ATP8B4: variants seen among roughly 807,000 people sequenced by gnomAD.
ATP8B4 encodes the protein probable phospholipid-transporting ATPase IM.
A neutral mutation model predicts 145.6 loss-of-function variants in ATP8B4; 133 were observed. That is an observed-to-expected ratio of 0.91 (90% CI 0.79 to 1.05). The LOEUF (loss-of-function observed/expected upper bound fraction) is 1.05, where lower values mean the gene tolerates loss of function less well. Among genes scored for constraint, ATP8B4 ranks in the 50% least tolerant of loss-of-function variants. The pLI is 0.00. For missense variants in ATP8B4, 1,458 were observed against 1,425.2 expected (o/e 1.02, Z -0.37); for synonymous variants, 507 against 492.9 (o/e 1.03, Z -0.38).
At chr15:50,066,411 C>A (rs77055837) in intron 3 of ATP8B4, among the ~76,000 whole-genome samples, 2,430 of 152,208 alleles carry the variant, frequency 0.016, 67 homozygotes, top group African/African-American at 0.056. Context: ...ATGACTAATT[C>A]CAACGTGTCA....
chr15:50,074,910 T>G (rs1466249282), intron 2 of ATP8B4, among the ~76,000 whole-genome samples: 1 of 152,164 alleles, frequency 6.6e-6, no homozygotes, highest in Non-Finnish European at 1.5e-5. Context: ...TTGCTCCATG[T>G]TTACTGAAGA....
At chr15:50,114,625 T>C (rs1424288868) in intron 1 of ATP8B4, 1 of 152,300 alleles carries the variant, frequency 6.6e-6, no homozygotes, top group Non-Finnish European at 1.5e-5. Flanking sequence ...TTTGCTCCTG[T>C]TAACCCTAGA....
Position 50,005,055 on chromosome 15 carries a change from C to T in ATP8B4, c.436-2832G>A, listed in dbSNP as rs543402668. On this transcript the variant is annotated intron_variant, in intron 7 of 27. Transcript: ENST00000284509. ...GGAAAAGCGTGAATATCCAAACTCACAAGTGGGCCAGGATATCATTAATTC... is the reference window on the plus strand; with the variant it reads ...GGAAAAGCGTGAATATCCAAACTCATAAGTGGGCCAGGATATCATTAATTC... Among the ~76,000 whole-genome samples the T allele has an allele frequency of 2.6e-5, 4 of 152,172 alleles. 1 individual carries two copies. Among genetic ancestry groups the T allele is most frequent in the Non-Finnish European group, 5.9e-5 (4 of 68,020 alleles).
intron 6 of ATP8B4, among the ~76,000 whole-genome samples, chr15:50,027,905 A>G (rs2050134790): frequency 1.3e-5 from 2 of 152,240 alleles, no homozygotes; most frequent in African/African-American, 4.8e-5. Context: ...CCTACTGTAT[A>G]CTGTTTCACT....
chr15:50,081,511 G>C (rs2054556576), intron 2 of ATP8B4, among the ~76,000 whole-genome samples: 1 of 151,992 alleles, frequency 6.6e-6, no homozygotes, highest in Non-Finnish European at 1.5e-5. Context: ...GTCCTCAAAG[G>C]CAACACCCAA....
chr15:50,038,953 T>C, intron 5 of ATP8B4, 124 bp from the exon 6 acceptor site: 1 of 773,644 alleles, frequency 1.3e-6, no homozygotes, highest in Non-Finnish European at 2.2e-6. Context: ...AAGATGACAC[T>C]GTTTGAGCTT....
upstream of ATP8B4, among the ~76,000 whole-genome samples, chr15:50,120,955 A>G (rs571371056): frequency 4.6e-5 from 7 of 152,270 alleles, no homozygotes; most frequent in African/African-American, 1.4e-4. Flanking sequence ...TGTTGCAACT[A>G]AAACAGTGCC....
At chr15:50,049,462 G>A (rs2052000972) in intron 3 of ATP8B4, among the ~76,000 whole-genome samples, 1 of 152,172 alleles carries the variant, frequency 6.6e-6, no homozygotes, top group Non-Finnish European at 1.5e-5. Context: ...CACCCATGCT[G>A]CTGCAAAGGA....
chr15:49,968,819 A>G (rs1186082097), intron 13 of ATP8B4, among the ~76,000 whole-genome samples: 1 of 152,240 alleles, frequency 6.6e-6, no homozygotes. Context: ...AACAGAATAT[A>G]CATTCTTCTC....
intron 6 of ATP8B4, among the ~76,000 whole-genome samples, chr15:50,028,538 G>A (rs1449427013): frequency 6.6e-6 from 1 of 152,084 alleles, no homozygotes; most frequent in Non-Finnish European, 1.5e-5. Context: ...CTAATGAGAT[G>A]AGTCATTTTG....
chr15:49,935,110 T>A (rs1027699807), intron 14 of ATP8B4, among the ~76,000 whole-genome samples: 1 of 152,128 alleles, frequency 6.6e-6, no homozygotes, highest in Non-Finnish European at 1.5e-5. Context: ...CAAAGCTTGT[T>A]AATACCTACA....
chr15:49,865,310 G>A (rs1239127668), intron 26 of ATP8B4, among the ~76,000 whole-genome samples: 3 of 152,204 alleles, frequency 2.0e-5, no homozygotes, highest in Admixed American at 6.5e-5. Flanking sequence ...GAAGTTCCAC[G>A]CCCCTTCCTC....
chr15:49,891,786 C>A (rs2036833103), intron 23 of ATP8B4, among the ~76,000 whole-genome samples: 2 of 152,094 alleles, frequency 1.3e-5, no homozygotes, highest in Non-Finnish European at 2.9e-5. Flanking sequence ...TGTCATGTGA[C>A]TCACAGATGA....
In ATP8B4 at chr15:49,903,649, T is replaced by A. The variant is rs549630906; in HGVS notation, c.2142-2410A>T. ...TGGTTCATGCCTGTAATCCCAGCAT[T>A]TGGGGAGGCTGAGGCGGGCAGATCA... On this transcript the variant is annotated intron_variant, in intron 20 of 27. Transcript: ENST00000284509. Among the ~76,000 whole-genome samples, 6 of 152,296 alleles carry A rather than the reference T, an allele frequency of 3.9e-5. No individual in the cohort carries two copies. The East Asian group carries it at 1.2e-3, about 29-fold the overall frequency.
chr15:50,179,612 T>C (rs2044814711), intron 1 of ATP8B4, among the ~76,000 whole-genome samples: 1 of 150,900 alleles, frequency 6.6e-6, no homozygotes, highest in South Asian at 2.1e-4. Context: ...TGTGATGGTA[T>C]TAGGAGGTAG....
At chr15:50,058,124 C>G (rs558570632) in intron 3 of ATP8B4, among the ~76,000 whole-genome samples, 1 of 152,264 alleles carries the variant, frequency 6.6e-6, no homozygotes, top group Non-Finnish European at 1.5e-5. Flanking sequence ...CTGGGGCATC[C>G]CTAATGATCT....
intron 6 of ATP8B4, among the ~76,000 whole-genome samples, chr15:50,012,474 T>A (rs1177801667): frequency 6.6e-6 from 1 of 152,154 alleles, no homozygotes; most frequent in Admixed American, 6.6e-5. Context: ...CAAGAAACAG[T>A]AGGCAGTAGT....
At chr15:50,024,648 T>C (rs1453000634) in intron 6 of ATP8B4, among the ~76,000 whole-genome samples, 2 of 152,218 alleles carry the variant, frequency 1.3e-5, no homozygotes, top group Non-Finnish European at 2.9e-5. Flanking sequence ...CAAGTCTATT[T>C]CTGCTTCTCC....
intron 6 of ATP8B4, among the ~76,000 whole-genome samples, chr15:50,021,467 C>A (rs570677016): frequency 6.6e-6 from 1 of 152,316 alleles, no homozygotes; most frequent in Admixed American, 6.5e-5. Context: ...AATACTCTAG[C>A]CACAGTAGAC....
Sources: allele counts gnomAD v4.1 joint callset (sites outside exome capture counted in the v4.1 genomes callset), GRCh38; gene constraint gnomAD v4.1.1; transcripts MANE v1.5; gene names NCBI Gene and HGNC (gene_info 2026-07-23, HGNC 2026-07-21).